The following ARL10 variants were observed in gnomAD, a reference collection of about 807,000 sequenced individuals.
ARL10 encodes ARF like GTPase 10, also known as ADP-ribosylation factor-like protein 10.
In ARL10, 23 loss-of-function variants were observed where a neutral mutation model predicts 26.1. The ratio of observed to expected loss-of-function variants is 0.88; its 90% CI spans 0.63 to 1.25. The LOEUF (loss-of-function observed/expected upper bound fraction) is 1.25, where lower values mean the gene tolerates loss of function less well. Ranked by LOEUF, ARL10 falls within the 50% of genes most tolerant of loss-of-function variation. ARL10 has a pLI of 0.00. For missense variants in ARL10, 300 were observed against 323.6 expected (o/e 0.93, Z 0.56); for synonymous variants, 138 against 149.1 (o/e 0.93, Z 0.54).
chr5:176,407,757 C>A, the ARL10 span, among the ~76,000 whole-genome samples: 3 of 152,194 alleles, frequency 2.0e-5, no homozygotes, highest in African/African-American at 7.2e-5. Context: ...AGAAGCAAAT[C>A]CTCATTCTTT....
rs1294535355 is a variant in ARL10 at position 176,366,493 on chromosome 5, G to C, written c.297G>C (p.Gly99=). The stretch of plus-strand genomic sequence containing the variant: ...GCACGTTCCTGCGCGTGTTGTCGGG[G>C]AAGCCACCGCTGGAAGGCCACATCC... ...GKSTFLRVLS[G]KPPLEGHIPT... Residue 99 remains glycine, a synonymous_variant, in exon 2 of 4, where the codon GGG becomes GGC. Transcript: ENST00000310389. 2 of 1,614,084 alleles carry C rather than the reference G, an allele frequency of 1.2e-6. No homozygotes were observed.
downstream of ARL10, chr5:176,389,266 C>T: frequency 6.5e-7 from 1 of 1,544,904 alleles, no homozygotes; most frequent in Non-Finnish European, 8.8e-7. Context: ...GAAGCGAGAC[C>T]CAAAGCGGGG....
At chr5:176,408,512 G>C in the ARL10 span, among the ~76,000 whole-genome samples, 1 of 151,312 alleles carries the variant, frequency 6.6e-6, no homozygotes, top group South Asian at 2.1e-4. Context: ...CTCCAGCCTG[G>C]GCAATAAGAG....
In ARL10 at chr5:176,375,360, CATCCATCT is replaced by C. The variant is rs1206169644; in HGVS notation, c.*3466_*3473del. ...TCATCCACCCATCCATCCATCCATC[CATCCATCT>C]GTGGCTTCTACCTGTGCGAATCTCT... On this transcript the variant is annotated 3_prime_UTR_variant, in exon 4 of 4. Transcript: ENST00000310389. 3 of 147,276 alleles carry C rather than the reference CATCCATCT, an allele frequency of 2.0e-5. No homozygotes were observed. The highest frequency in any genetic ancestry group is 7.5e-5 in the African/African-American group (3 of 40,102). The allele number at this position is 147,276 out of a possible 1,614,324, so 9.1% of individuals were successfully genotyped here.
downstream of ARL10, chr5:176,385,358 G>A: frequency 4.6e-6 from 6 of 1,302,910 alleles, no homozygotes; most frequent in Non-Finnish European, 6.7e-6. Flanking sequence ...GGGAGACAGG[G>A]AATGAGGCTT....
intron 3 of ARL10, among the ~76,000 whole-genome samples, chr5:176,370,466 T>C (rs943538714): frequency 5.3e-5 from 8 of 152,202 alleles, no homozygotes; most frequent in Non-Finnish European, 8.8e-5. Context: ...TGTTTCCAAC[T>C]TGACATGGAG....
At chr5:176,413,943 CCT>C in the ARL10 span, among the ~76,000 whole-genome samples, 1 of 152,312 alleles carries the variant, frequency 6.6e-6, no homozygotes, top group East Asian at 1.9e-4. Flanking sequence ...TGTTTCTCTC[CCT>C]GTCACCTCTG....
At position 176,368,035 on chromosome 5, in the gene ARL10, T is replaced by C; in HGVS notation, c.386-772T>C. 1.9e-6 allele frequency: 1 copy of C among 515,630 alleles called. No homozygotes were observed. Among genetic ancestry groups the C allele is most frequent in the South Asian group, 1.4e-5 (1 of 71,166 alleles). The allele number at this position is 515,630 out of a possible 1,614,324, so 31.9% of individuals were successfully genotyped here. The stretch of plus-strand genomic sequence containing the variant: ...GCCAGGCATTGTGCTGAGGGCTTTG[T>C]GGGGATTCAGAGGTAAGTGCCTCTG... On this transcript the variant is annotated intron_variant, in intron 2 of 3. Transcript: ENST00000310389. The surrounding 1 kb of genome is among the most constrained non-coding windows in gnomAD (Gnocchi z 4.1).
intron 1 of ARL10, among the ~76,000 whole-genome samples, chr5:176,399,894 AAG>A (rs1186826576): frequency 1.4e-5 from 2 of 147,696 alleles, no homozygotes; most frequent in Admixed American, 6.8e-5. Flanking sequence ...AAAAAAAAGA[AAG>A]AAAAATGGGA....
At chr5:176,365,815 G>C in intron 1 of ARL10, 69 bp downstream of exon 1, 1 of 1,228,282 alleles carries the variant, frequency 8.1e-7, no homozygotes, top group Non-Finnish European at 1.0e-6. Context: ...TGTGGCCAAG[G>C]GGTGTGACCA....
chr5:176,389,773 C>A (rs200290298), downstream of ARL10: 1 of 322,238 alleles, frequency 3.1e-6, no homozygotes, highest in Non-Finnish European at 5.7e-6. Flanking sequence ...TCAGTATCAT[C>A]CCCATGGTTT....
chr5:176,409,670 T>C, the ARL10 span, among the ~76,000 whole-genome samples: 3 of 152,184 alleles, frequency 2.0e-5, no homozygotes, highest in East Asian at 5.8e-4. Flanking sequence ...CACCTCAGCC[T>C]CCCAAAGTGC....
At chr5:176,401,511 G>A (rs569077867) in intron 1 of ARL10, among the ~76,000 whole-genome samples, 4 of 152,216 alleles carry the variant, frequency 2.6e-5, no homozygotes, top group South Asian at 4.1e-4. Flanking sequence ...CCCACCCTCC[G>A]TCTGAGAAAA....
intron 1 of ARL10, chr5:176,397,545 TCATGTCCCCACAGCCCCCCTCATGTCCC>T: frequency 1.1e-5 from 1 of 89,842 alleles, no homozygotes. Context: ...CACGGCCCCC[TCATGTCCCCACAGCCCCCCTCATGTCCC>T]CATGGCCCCC....
At chr5:176,390,654 C>T (rs1442018560), downstream of ARL10, among the ~76,000 whole-genome samples, 3 of 152,064 alleles carry the variant, frequency 2.0e-5, no homozygotes, top group Non-Finnish European at 4.4e-5. Flanking sequence ...ACCATGTTGG[C>T]CAGGCTGGTC....
At chr5:176,398,034 G>A in intron 1 of ARL10, 2 of 1,613,974 alleles carry the variant, frequency 1.2e-6, no homozygotes, top group East Asian at 2.2e-5. Context: ...GCCATCAGCA[G>A]GACCGTTGGC....
downstream of ARL10, chr5:176,406,770 G>C (rs1043353681): frequency 4.1e-6 from 5 of 1,209,712 alleles, no homozygotes; most frequent in Non-Finnish European, 4.3e-6. Flanking sequence ...AAAGTGTTGG[G>C]TGTGCACAGG....
chr5:176,384,125 G>A (rs779280873), downstream of ARL10: 8 of 1,611,170 alleles, frequency 5.0e-6, no homozygotes, highest in Non-Finnish European at 5.1e-6. Context: ...CATGGGACCT[G>A]GCCAGCTCCT....
chr5:176,414,628 A>C, the ARL10 span, among the ~76,000 whole-genome samples: 1 of 152,082 alleles, frequency 6.6e-6, no homozygotes, highest in Non-Finnish European at 1.5e-5. Flanking sequence ...TGTTTTGTAG[A>C]GATGGGGTTT....
Sources: gnomAD v4.1 joint callset for allele counts (sites outside exome capture counted in the v4.1 genomes callset) on GRCh38, gnomAD v4.1.1 for gene constraint, Gnocchi (gnomAD v3.1) non-coding constraint, MANE v1.5 for transcripts, NCBI Gene and HGNC (gene_info 2026-07-23, HGNC 2026-07-21) for gene names.